CSMD1: variants seen among roughly 807,000 people sequenced by gnomAD.
CSMD1 encodes CUB and sushi domain-containing protein 1.
Under a neutral mutation model 417.5 loss-of-function variants are expected in CSMD1, and 213 were observed. That is an observed-to-expected ratio of 0.51 (90% CI 0.46 to 0.57). The LOEUF (loss-of-function observed/expected upper bound fraction) is 0.57, where lower values mean the gene tolerates loss of function less well. Among genes scored for constraint, CSMD1 ranks in the 20% least tolerant of loss-of-function variants. The pLI, the probability that CSMD1 is intolerant of heterozygous loss-of-function variation, is 0.00. For missense variants in CSMD1, 6,923 were observed against 4,529.7 expected, an observed-to-expected ratio of 1.53 and a Z score of -15.17; for synonymous variants, 2,862 against 1,736.8, an observed-to-expected ratio of 1.65 and a Z score of -16.11.
chr8:4,776,896 G>T (rs1273043303), intron 1 of CSMD1, among the ~76,000 whole-genome samples: 1 of 152,162 alleles, frequency 6.6e-6, no homozygotes, highest in African/African-American at 2.4e-5. Flanking sequence ...TTTAAAAGGA[G>T]ATCATAACAC....
At chr8:3,926,086 C>CACACACACACACACAAACACCAT (rs1809670206) in intron 5 of CSMD1, among the ~76,000 whole-genome samples, 1 of 16,146 alleles carries the variant, frequency 6.2e-5, no homozygotes, top group Non-Finnish European at 1.1e-4. Flanking sequence ...ACACCATACA[C>CACACACACACACACAAACACCAT]ACACACACAC....
chr8:3,498,249 T>G (rs1313703889), intron 10 of CSMD1, among the ~76,000 whole-genome samples: 1 of 152,208 alleles, frequency 6.6e-6, no homozygotes, highest in East Asian at 1.9e-4. Context: ...TCTTTGAAGT[T>G]TTTTATTATG....
intron 7 of CSMD1, among the ~76,000 whole-genome samples, chr8:3,623,139 G>C (rs1796336368): frequency 6.6e-6 from 1 of 152,112 alleles, no homozygotes; most frequent in Non-Finnish European, 1.5e-5. Flanking sequence ...ATATAAATTA[G>C]ACAGTTTGTA....
In CSMD1 at chr8:4,987,699, A is replaced by C. The variant is rs537711362; in HGVS notation, c.85+6633T>G. Among the ~76,000 whole-genome samples the C allele has an allele frequency of 2.0e-5, 3 of 152,312 alleles. No individual in the cohort carries two copies. In the South Asian group the frequency reaches 6.2e-4, roughly 32 times the overall value. On this transcript the variant is annotated intron_variant, in intron 1 of 69. Coordinates refer to ENST00000635120, the MANE Select transcript of CSMD1 (RefSeq NM_033225.6). ...GTGTCTATGAGGATGTTGCCAAAAA[A>C]GATTAACATTTGAGTCAACGGACTG... is the stretch of plus-strand genomic sequence containing the variant.
rs187273695 is a variant in CSMD1 at position 3,878,912 on chromosome 8, C to G, written c.818+118991G>C. Reference sequence around the variant, plus strand: ...CAATATCACAAGTTATATGAAGTCTCAGAGAATGTACATGACAGAAAATAA... The same window carrying G: ...CAATATCACAAGTTATATGAAGTCTGAGAGAATGTACATGACAGAAAATAA... On this transcript the variant is annotated intron_variant, in intron 5 of 69. Transcript: ENST00000635120. 1.4e-3 allele frequency among the ~76,000 whole-genome samples: 218 copies of G among 152,214 alleles called. 2 individuals carry two copies. Among genetic ancestry groups the G allele is most frequent in the African/African-American group, 5.0e-3 (206 of 41,534 alleles).
chr8:4,947,747 T>C (rs1808465143), intron 1 of CSMD1, among the ~76,000 whole-genome samples: 1 of 152,092 alleles, frequency 6.6e-6, no homozygotes, highest in Non-Finnish European at 1.5e-5. Flanking sequence ...GCTTGATACA[T>C]TATAAAACTA....
At chr8:3,472,049 G>A (rs529771619) in intron 11 of CSMD1, among the ~76,000 whole-genome samples, 46 of 152,144 alleles carry the variant, frequency 3.0e-4, no homozygotes, top group Admixed American at 1.9e-3. Flanking sequence ...CATGCAACAT[G>A]ACTCTACTGC....
chr8:3,172,296 G>T (rs1820626344), intron 37 of CSMD1, among the ~76,000 whole-genome samples: 1 of 151,818 alleles, frequency 6.6e-6, no homozygotes, highest in Non-Finnish European at 1.5e-5. Flanking sequence ...TTCCACCTGG[G>T]GTCTCTGTAT....
intron 3 of CSMD1, among the ~76,000 whole-genome samples, chr8:4,416,391 A>G (rs983644095): frequency 6.6e-6 from 1 of 152,128 alleles, no homozygotes; most frequent in Non-Finnish European, 1.5e-5. Context: ...TATAACCAAT[A>G]TTTAAATTAT....
At chr8:3,205,990 T>C (rs1797229665) in intron 30 of CSMD1, among the ~76,000 whole-genome samples, 1 of 152,202 alleles carries the variant, frequency 6.6e-6, no homozygotes, top group Non-Finnish European at 1.5e-5. Context: ...ACTTAAGAGA[T>C]ACAAAGATTA....
At chr8:4,342,057 C>G (rs1045851615) in intron 3 of CSMD1, among the ~76,000 whole-genome samples, 3 of 152,064 alleles carry the variant, frequency 2.0e-5, no homozygotes, top group African/African-American at 4.8e-5. Flanking sequence ...TTGGAGCATC[C>G]TGAAGATCCT....
intron 2 of CSMD1, among the ~76,000 whole-genome samples, chr8:4,470,464 C>T (rs1800461897): frequency 6.6e-6 from 1 of 152,144 alleles, no homozygotes; most frequent in Non-Finnish European, 1.5e-5. Context: ...GGGTCATGGT[C>T]GGCAGCTCAA....
At chr8:3,442,517 T>A (rs911071760) in intron 12 of CSMD1, among the ~76,000 whole-genome samples, 7 of 152,234 alleles carry the variant, frequency 4.6e-5, no homozygotes, top group African/African-American at 1.7e-4. Context: ...TACTTCTTGT[T>A]ACAATTGCCT....
At chr8:4,440,609 T>C (rs928806586) in intron 2 of CSMD1, among the ~76,000 whole-genome samples, 7 of 152,222 alleles carry the variant, frequency 4.6e-5, no homozygotes, top group South Asian at 2.1e-4. Flanking sequence ...TCTGGAAAGA[T>C]AGGTAGTACC....
intron 1 of CSMD1, chr8:4,788,485 G>T (rs1355436122): frequency 1.9e-5 from 25 of 1,328,030 alleles, no homozygotes; most frequent in Middle Eastern, 1.8e-4. Context: ...AGATATTTGG[G>T]GTAGACAACC....
At chr8:3,953,146 T>A (rs187594939) in intron 5 of CSMD1, among the ~76,000 whole-genome samples, 1 of 151,918 alleles carries the variant, frequency 6.6e-6, no homozygotes, top group African/African-American at 2.4e-5. Flanking sequence ...AAAAATACCA[T>A]TTATAAAAAA....
intron 54 of CSMD1, among the ~76,000 whole-genome samples, chr8:2,987,736 G>C (rs1427748816): frequency 6.6e-6 from 1 of 152,190 alleles, no homozygotes; most frequent in Admixed American, 6.5e-5. Context: ...TCTGTGCCAG[G>C]GGACACACCC....
At chr8:4,773,883 A>T (rs13256305) in intron 1 of CSMD1, among the ~76,000 whole-genome samples, 23,296 of 152,210 alleles carry the variant, frequency 0.15, 2,140 homozygotes, top group East Asian at 0.29. Flanking sequence ...AAACTATTAA[A>T]TACGCTTTCT....
At chr8:4,416,203 G>A (rs1363613490) in intron 3 of CSMD1, among the ~76,000 whole-genome samples, 1 of 152,142 alleles carries the variant, frequency 6.6e-6, no homozygotes, top group Non-Finnish European at 1.5e-5. Flanking sequence ...TTTTGATTCA[G>A]AGCTGCTGCT....
Sources: gnomAD v4.1 joint callset for allele counts (sites outside exome capture counted in the v4.1 genomes callset) on GRCh38, gnomAD v4.1.1 for gene constraint, MANE v1.5 for transcripts, NCBI Gene and HGNC (gene_info 2026-07-23, HGNC 2026-07-21) for gene names.